Variants in MGAT4C observed in about 807,000 individuals in gnomAD.
MGAT4C encodes the protein alpha-1,3-mannosyl-glycoprotein 4-beta-N-acetylglucosaminyltransferase C.
MGAT4C carries 19 observed loss-of-function variants against 40.1 expected under a neutral mutation model. That is an observed-to-expected ratio of 0.47 (90% CI 0.33 to 0.70). MGAT4C has a LOEUF of 0.70. MGAT4C is among the 30% of genes least tolerant of loss of function. MGAT4C has a pLI of 0.02. For missense variants in MGAT4C, 491 were observed against 563.2 expected, an observed-to-expected ratio of 0.87 and a Z score of 1.30; for synonymous variants, 181 against 187.1, an observed-to-expected ratio of 0.97 and a Z score of 0.27.
At chr12:85,990,031 G>C (rs959009691) in intron 2 of MGAT4C, among the ~76,000 whole-genome samples, 3 of 152,062 alleles carry the variant, frequency 2.0e-5, no homozygotes, top group African/African-American at 7.2e-5. Context: ...GGGAATCTGG[G>C]TGGAGTAAAG....
intron 2 of MGAT4C, among the ~76,000 whole-genome samples, chr12:86,437,529 C>T (rs1298021312): frequency 1.3e-5 from 2 of 151,784 alleles, no homozygotes; most frequent in Admixed American, 1.3e-4. Context: ...TTTATTTGTT[C>T]TAGTTATTCT....
chr12:86,524,483 C>T (rs1353194586), intron 2 of MGAT4C, among the ~76,000 whole-genome samples: 1 of 152,166 alleles, frequency 6.6e-6, no homozygotes, highest in Non-Finnish European at 1.5e-5. Context: ...ACCTTTCTAT[C>T]TAGCTGCCTT....
Position 86,426,380 on chromosome 12 carries a change from A to T in MGAT4C, c.-120+8777T>A, listed in dbSNP as rs140965520. On this transcript the variant is annotated intron_variant, in intron 3 of 7. Coordinates refer to the MGAT4C transcript ENST00000548651. ...TAAGAGTAAAATTATAATTATCATTAGTGATCATTTATAAGTCACAAGACA... is the reference window on the plus strand; with the variant it reads ...TAAGAGTAAAATTATAATTATCATTTGTGATCATTTATAAGTCACAAGACA... Among the ~76,000 whole-genome samples the T allele has an allele frequency of 3.3e-3, 499 of 152,360 alleles. 3 individuals are homozygous for T. Among genetic ancestry groups the T allele is most frequent in the African/African-American group, 0.011 (477 of 41,580 alleles).
chr12:86,417,534 T>A (rs962653777), intron 3 of MGAT4C, among the ~76,000 whole-genome samples: 1 of 152,152 alleles, frequency 6.6e-6, no homozygotes, highest in Non-Finnish European at 1.5e-5. Flanking sequence ...AGAATTTATG[T>A]AAATTGAACA....
chr12:86,816,004 C>A (rs4842539), intron 1 of MGAT4C, among the ~76,000 whole-genome samples: 96,164 of 151,466 alleles, frequency 0.63, 31,830 homozygotes, highest in Non-Finnish European at 0.72. Context: ...TTAAAAAATC[C>A]TAAGGGTGAG....
At chr12:86,603,756 AATATATAGTATAATTATATATACT>A (rs1232383630) in intron 2 of MGAT4C, among the ~76,000 whole-genome samples, 2 of 127,836 alleles carry the variant, frequency 1.6e-5, no homozygotes, top group African/African-American at 2.9e-5. Context: ...TATTATATAT[AATATATAGTATAATTATATATACT>A]ATATAATATA....
At chr12:86,104,091 A>G (rs1276617184) in intron 1 of MGAT4C, among the ~76,000 whole-genome samples, 1 of 151,998 alleles carries the variant, frequency 6.6e-6, no homozygotes, top group Non-Finnish European at 1.5e-5. Flanking sequence ...GCTTTATTGG[A>G]CAAAACAGGA....
intron 2 of MGAT4C, among the ~76,000 whole-genome samples, chr12:86,596,442 T>C (rs1411103108): frequency 1.3e-5 from 2 of 152,202 alleles, no homozygotes; most frequent in Admixed American, 6.5e-5. Flanking sequence ...AAGGCCAGGT[T>C]TGAGGGATAG....
intron 2 of MGAT4C, among the ~76,000 whole-genome samples, chr12:86,700,031 GATAA>G (rs1174793248): frequency 7.7e-6 from 1 of 129,198 alleles, no homozygotes; most frequent in East Asian, 2.4e-4. Flanking sequence ...GTCAAATTTA[GATAA>G]ATAGATAGAT....
At position 86,403,962 on chromosome 12, in the gene MGAT4C, G is replaced by T. The variant is rs368947455; in HGVS notation, c.-120+31195C>A. ...AAATTGTATATACTGGAAGAACTTG[G>T]ATTGTGTATATGTGATATTGAGATA... is the stretch of plus-strand genomic sequence containing the variant. On this transcript the variant is annotated intron_variant, in intron 3 of 7. Transcript: ENST00000548651. Among the ~76,000 whole-genome samples, 6 of 152,294 alleles carry T rather than the reference G, an allele frequency of 3.9e-5. No individual in the cohort carries two copies. In the South Asian group the frequency reaches 1.0e-3, roughly 26 times the overall value.
At chr12:86,700,307 G>A (rs1310988572) in intron 2 of MGAT4C, among the ~76,000 whole-genome samples, 1 of 151,924 alleles carries the variant, frequency 6.6e-6, no homozygotes, top group Admixed American at 6.6e-5. Flanking sequence ...ATATTGACTA[G>A]AACAGAGTTA....
intron 1 of MGAT4C, among the ~76,000 whole-genome samples, chr12:86,163,030 C>T (rs1450624830): frequency 6.6e-6 from 1 of 152,016 alleles, no homozygotes; most frequent in Non-Finnish European, 1.5e-5. Flanking sequence ...TGGGATGGGC[C>T]CTAGAAATCT....
At chr12:86,147,130 A>G (rs1432328729) in intron 1 of MGAT4C, among the ~76,000 whole-genome samples, 3 of 152,162 alleles carry the variant, frequency 2.0e-5, no homozygotes, top group East Asian at 1.9e-4. Flanking sequence ...TTTGTTTTCA[A>G]CTAGAAGGGC....
chr12:86,557,363 G>T (rs2136403811), intron 2 of MGAT4C, among the ~76,000 whole-genome samples: 1 of 152,208 alleles, frequency 6.6e-6, no homozygotes, highest in East Asian at 1.9e-4. Flanking sequence ...TGGGGTCCTG[G>T]GGTTCAGCCA....
At chr12:86,771,711 TGTGTG>T (rs1286230360) in intron 1 of MGAT4C, among the ~76,000 whole-genome samples, 3 of 150,118 alleles carry the variant, frequency 2.0e-5, no homozygotes, top group Non-Finnish European at 4.4e-5. Flanking sequence ...TGTGTGTGTG[TGTGTG>T]TGTGTGTATG....
chr12:86,127,091 C>T (rs1289432669), intron 1 of MGAT4C, among the ~76,000 whole-genome samples: 1 of 152,182 alleles, frequency 6.6e-6, no homozygotes. Flanking sequence ...TAGCTGGCGG[C>T]TCACCACCTG....
chr12:86,687,797 A>T (rs1239339767), intron 2 of MGAT4C, among the ~76,000 whole-genome samples: 4 of 152,128 alleles, frequency 2.6e-5, no homozygotes, highest in Admixed American at 1.3e-4. Context: ...TGCGGAGAAG[A>T]ATGTATATTC....
intron 1 of MGAT4C, among the ~76,000 whole-genome samples, chr12:86,225,353 T>G (rs938398819): frequency 2.6e-5 from 4 of 152,080 alleles, no homozygotes; most frequent in African/African-American, 9.7e-5. Flanking sequence ...ACAGTGAAAT[T>G]AGACGAGTCA....
chr12:86,634,864 G>T (rs977426406), intron 2 of MGAT4C, among the ~76,000 whole-genome samples: 4 of 152,164 alleles, frequency 2.6e-5, no homozygotes, highest in Non-Finnish European at 2.9e-5. Flanking sequence ...CAAGTCATAG[G>T]TTCAGCCTTC....
Sources: allele counts gnomAD v4.1 joint callset (sites outside exome capture counted in the v4.1 genomes callset), GRCh38; gene constraint gnomAD v4.1.1; transcripts MANE v1.5; gene names NCBI Gene and HGNC (gene_info 2026-07-23, HGNC 2026-07-21).